Variants in DNAJB14 observed in about 807,000 individuals in gnomAD.
DNAJB14 encodes the protein DnaJ heat shock protein family (Hsp40) member B14.
DNAJB14 carries 22 observed loss-of-function variants against 48.4 expected under a neutral mutation model. That is an observed-to-expected ratio of 0.45 (90% CI 0.32 to 0.65). The LOEUF is 0.65. Ranked by LOEUF, DNAJB14 falls within the 30% of genes least tolerant of loss-of-function variation. DNAJB14 has a pLI of 0.03. For synonymous variants in DNAJB14, 142 were observed against 158.7 expected (o/e 0.89, Z 0.79); for missense variants, 319 against 458.8 (o/e 0.70, Z 2.78).
chr4:99,914,938 T>C (rs1172202537), intron 3 of DNAJB14, among the ~76,000 whole-genome samples: 2 of 152,214 alleles, frequency 1.3e-5, no homozygotes, highest in Non-Finnish European at 2.9e-5. Flanking sequence ...TTCAATTTTA[T>C]TGATTTTTTT....
At chr4:99,911,506 A>G (rs1725659416) in intron 3 of DNAJB14, among the ~76,000 whole-genome samples, 2 of 152,160 alleles carry the variant, frequency 1.3e-5, no homozygotes, top group South Asian at 4.1e-4. Context: ...TATCCCATTA[A>G]CAATGTATGA....
At chr4:99,932,353 C>T (rs147137155) in intron 1 of DNAJB14, among the ~76,000 whole-genome samples, 30 of 152,088 alleles carry the variant, frequency 2.0e-4, no homozygotes, top group Admixed American at 3.3e-4. Flanking sequence ...GGTGAAGGAT[C>T]TGAATAGACA....
At chr4:99,933,876 A>G (rs1245501000) in intron 1 of DNAJB14, among the ~76,000 whole-genome samples, 1 of 152,232 alleles carries the variant, frequency 6.6e-6, no homozygotes, top group African/African-American at 2.4e-5. Context: ...GGCATTTGCC[A>G]GCCCACAGAA....
At chr4:99,938,343 CTT>C (rs200523338) in intron 1 of DNAJB14, among the ~76,000 whole-genome samples, 72 of 119,966 alleles carry the variant, frequency 6.0e-4, no homozygotes, top group Admixed American at 1.1e-3. Context: ...TGGACATGTG[CTT>C]TTTTTTTTTT....
At chr4:99,934,133 C>T (rs960746144) in intron 1 of DNAJB14, among the ~76,000 whole-genome samples, 3 of 151,774 alleles carry the variant, frequency 2.0e-5, no homozygotes, top group South Asian at 2.1e-4. Context: ...GAACAGGACC[C>T]AAACTGAAGA....
chr4:99,912,993 G>A (rs1381943758), intron 3 of DNAJB14, among the ~76,000 whole-genome samples: 1 of 152,056 alleles, frequency 6.6e-6, no homozygotes, highest in Non-Finnish European at 1.5e-5. Context: ...AATATTCATT[G>A]CTAGTAAATA....
intron 1 of DNAJB14, among the ~76,000 whole-genome samples, chr4:99,945,637 C>G (rs1727041082): frequency 6.6e-6 from 1 of 152,198 alleles, no homozygotes; most frequent in Non-Finnish European, 1.5e-5. Context: ...TCCTGCACCT[C>G]TACACAGAAT....
At chr4:99,930,730 A>T in intron 1 of DNAJB14, 109 bp from the exon 2 acceptor site, 1 of 1,220,144 alleles carries the variant, frequency 8.2e-7, no homozygotes, top group Non-Finnish European at 1.1e-6. Context: ...CTCCAAAAAG[A>T]TTCACCATAG....
intron 4 of DNAJB14, 152 bp from the exon 5 acceptor site, chr4:99,906,763 A>G: frequency 3.3e-6 from 2 of 608,826 alleles, no homozygotes; most frequent in East Asian, 2.9e-5. Flanking sequence ...TCCTCTTGTA[A>G]GTGAAGGGTG....
At chr4:99,944,976 G>A (rs1727017319) in intron 1 of DNAJB14, among the ~76,000 whole-genome samples, 1 of 152,302 alleles carries the variant, frequency 6.6e-6, no homozygotes, top group East Asian at 1.9e-4. Context: ...AAAAGATACT[G>A]CATGAATCTA....
Position 99,903,866 on chromosome 4 carries a change from T to C in DNAJB14, c.875A>G (p.Glu292Gly), listed in dbSNP as rs1560730167. 1 of 1,612,416 alleles carries C rather than the reference T, an allele frequency of 6.2e-7. No homozygotes were observed. Among genetic ancestry groups the C allele is most frequent in the Non-Finnish European group, 8.5e-7 (1 of 1,179,244 alleles). ...GACATAATAAACAACACCCAAGTTTTCTGTTTGCATTTTAATAGTTTGCCC... is the reference window on the plus strand; with the variant it reads ...GACATAATAAACAACACCCAAGTTTCCTGTTTGCATTTTAATAGTTTGCCC... ...GTGQTIKMQTENLGVVYYVNK... is the reference protein window; with the variant it reads ...GTGQTIKMQTGNLGVVYYVNK... Residue 292 changes from glutamate (E) to glycine (G), a missense_variant, in exon 7 of 8, where the codon GAA (glutamate) becomes GGA (glycine). Glu to Gly is a moderately conservative substitution (Grantham distance 98, BLOSUM62 -2). Transcript: ENST00000442697.
intron 1 of DNAJB14, among the ~76,000 whole-genome samples, chr4:99,931,921 G>C (rs1293828790): frequency 6.6e-6 from 1 of 152,026 alleles, no homozygotes; most frequent in Non-Finnish European, 1.5e-5. Flanking sequence ...GAACTGAATA[G>C]AAATTAAAAC....
intron 3 of DNAJB14, among the ~76,000 whole-genome samples, chr4:99,917,259 A>T (rs952422336): frequency 6.6e-6 from 1 of 152,246 alleles, no homozygotes; most frequent in African/African-American, 2.4e-5. Flanking sequence ...GCAAAAGTAT[A>T]TTGTATTTAA....
chr4:99,946,108 T>C (rs573311203), intron 1 of DNAJB14, among the ~76,000 whole-genome samples: 50 of 152,262 alleles, frequency 3.3e-4, no homozygotes, highest in Admixed American at 1.8e-3. Context: ...ACAACACAGA[T>C]ACAAATAAAG....
rs1486598557 is a variant in DNAJB14, at chr4:99,930,573, G to A, written c.182C>T (p.Pro61Leu). The A allele has an allele frequency of 1.9e-6, 3 of 1,611,894 alleles. No homozygotes were observed. The highest frequency in any genetic ancestry group is 1.3e-5 in the African/African-American group (1 of 74,844). ...MKNGSTAGNSPHCRKPSGSGD... is the reference protein window; with the variant it reads ...MKNGSTAGNSLHCRKPSGSGD... The stretch of plus-strand genomic sequence containing the variant: ...ACTACCTGATGGTTTTCGGCAATGA[G>A]GGCTATTTCCAGCCGTGCTTCCATT... The change falls in exon 2 of 8, where the codon CCT (proline) becomes CTT (leucine). Residue 61 changes from proline to leucine, a missense_variant. Pro to Leu is a moderately conservative substitution (Grantham distance 98). This residue lies in a region of DNAJB14 where 116 missense variants were observed against 134.6 expected (regional missense o/e 0.86). Coordinates refer to ENST00000442697, the MANE Select transcript of DNAJB14 (RefSeq NM_001031723.4).
chr4:99,905,954 CTT>C, intron 5 of DNAJB14: 1 of 1,304,196 alleles, frequency 7.7e-7, no homozygotes, highest in Non-Finnish European at 9.8e-7. Flanking sequence ...GTCTTCATTT[CTT>C]TCTCTTTCTC....
chr4:99,902,781 A>G (rs1725337655), intron 7 of DNAJB14, among the ~76,000 whole-genome samples: 1 of 152,174 alleles, frequency 6.6e-6, no homozygotes, highest in African/African-American at 2.4e-5. Context: ...TTTCAATCAC[A>G]AACGACCTCT....
chr4:99,901,586 T>C (rs553652009), intron 7 of DNAJB14, among the ~76,000 whole-genome samples: 3 of 152,076 alleles, frequency 2.0e-5, no homozygotes, highest in Non-Finnish European at 4.4e-5. Flanking sequence ...TAAAATCTTG[T>C]TCTGAGTTTA....
At chr4:99,935,755 G>C (rs1014141253) in intron 1 of DNAJB14, among the ~76,000 whole-genome samples, 13 of 152,280 alleles carry the variant, frequency 8.5e-5, no homozygotes, top group African/African-American at 3.1e-4. Context: ...CCTGAACCAA[G>C]GAAGCTTATT....
Sources: gnomAD v4.1 joint callset for allele counts (sites outside exome capture counted in the v4.1 genomes callset) on GRCh38, gnomAD v4.1.1 for gene constraint, gnomAD v4.1.1 regional missense constraint, MANE v1.5 for transcripts, NCBI Gene and HGNC (gene_info 2026-07-23, HGNC 2026-07-21) for gene names.